The following KCNU1 variants were observed in gnomAD, a reference collection of about 807,000 sequenced individuals.
KCNU1 encodes the protein potassium calcium-activated channel subfamily U member 1, also known as potassium channel subfamily U member 1.
KCNU1 carries 93 observed loss-of-function variants against 126.8 expected under a neutral mutation model. The ratio of observed to expected loss-of-function variants is 0.73; its 90% confidence interval spans 0.62 to 0.87. The LOEUF (loss-of-function observed/expected upper bound fraction) is 0.87. Ranked by LOEUF, KCNU1 falls within the 40% of genes least tolerant of loss-of-function variation. The probability of loss-of-function intolerance (pLI) is 0.00; values close to 1 mark genes in which losing one functional copy is unlikely to be tolerated. For synonymous variants in KCNU1, 523 were observed against 494.2 expected (o/e 1.06, Z -0.77); for missense variants, 1,330 against 1,367.1 (o/e 0.97, Z 0.43).
chr8:36,789,197 A>C (rs892206485), intron 2 of KCNU1, among the ~76,000 whole-genome samples: 1 of 152,040 alleles, frequency 6.6e-6, no homozygotes, highest in African/African-American at 2.4e-5. Flanking sequence ...CTCTACAAAT[A>C]ATTTAAAAGT....
intron 19 of KCNU1, among the ~76,000 whole-genome samples, chr8:36,902,729 C>A (rs1396135901): frequency 6.6e-6 from 1 of 152,060 alleles, no homozygotes; most frequent in Admixed American, 6.6e-5. Flanking sequence ...AAAATCAAGA[C>A]CAGACTCAGG....
intron 22 of KCNU1, among the ~76,000 whole-genome samples, chr8:36,911,825 C>A (rs1807886531): frequency 6.6e-6 from 1 of 152,136 alleles, no homozygotes. Context: ...ACCTGAGGAG[C>A]TTCCACACAT....
At chr8:36,843,246 T>A (rs527765426) in intron 16 of KCNU1, among the ~76,000 whole-genome samples, 8 of 152,192 alleles carry the variant, frequency 5.3e-5, no homozygotes, top group Admixed American at 2.0e-4. Context: ...GAGGCCCTGT[T>A]TACTACCTAA....
chr8:36,837,263 G>A (rs1053668174), intron 14 of KCNU1, among the ~76,000 whole-genome samples: 10 of 151,884 alleles, frequency 6.6e-5, no homozygotes, highest in Admixed American at 2.0e-4. Context: ...TTGAGTTATC[G>A]AAAGTGAAAA....
intron 16 of KCNU1, among the ~76,000 whole-genome samples, chr8:36,844,849 AT>A (rs1395188435): frequency 1.3e-5 from 2 of 152,220 alleles, no homozygotes; most frequent in Non-Finnish European, 2.9e-5. Context: ...AGACATCTGA[AT>A]TGAAGGAAAT....
At chr8:36,839,827 G>A (rs1489126156) in intron 14 of KCNU1, among the ~76,000 whole-genome samples, 3 of 152,268 alleles carry the variant, frequency 2.0e-5, no homozygotes, top group African/African-American at 4.8e-5. Context: ...CTACACAAAC[G>A]TCAGCCACGA....
At chr8:36,911,333 A>C (rs1204420550) in intron 22 of KCNU1, among the ~76,000 whole-genome samples, 1 of 152,190 alleles carries the variant, frequency 6.6e-6, no homozygotes, top group African/African-American at 2.4e-5. Context: ...GCATCTTCTA[A>C]ATGGAATGCA....
At chr8:36,836,737 G>C in intron 13 of KCNU1, 56 bp from the exon 14 acceptor site, 22 of 1,451,978 alleles carry the variant, frequency 1.5e-5, no homozygotes, top group Non-Finnish European at 2.1e-5. Context: ...ATCCTCAAGA[G>C]CTTTCTTGAG....
chr8:36,785,313 G>T (rs192883454), intron 1 of KCNU1, among the ~76,000 whole-genome samples: 2 of 152,166 alleles, frequency 1.3e-5, no homozygotes, highest in Non-Finnish European at 2.9e-5. Flanking sequence ...GAGGTCAAAG[G>T]TGAAGAGTTT....
At chr8:36,794,940 C>CA (rs1187326474) in intron 2 of KCNU1, among the ~76,000 whole-genome samples, 1 of 151,604 alleles carries the variant, frequency 6.6e-6, no homozygotes, top group Non-Finnish European at 1.5e-5. Flanking sequence ...AAAACAAAAA[C>CA]AAAACAAAAC....
intron 18 of KCNU1, among the ~76,000 whole-genome samples, chr8:36,846,295 G>T (rs1585451473): frequency 1.3e-5 from 2 of 152,200 alleles, no homozygotes; most frequent in Admixed American, 1.3e-4. Flanking sequence ...TGGCCACGAG[G>T]ATGCTACCTC....
At chr8:36,841,383 A>G (rs1189084233) in intron 16 of KCNU1, among the ~76,000 whole-genome samples, 1 of 152,108 alleles carries the variant, frequency 6.6e-6, no homozygotes, top group African/African-American at 2.4e-5. Flanking sequence ...GTTCCCACAA[A>G]CACTGGCCAT....
intron 7 of KCNU1, among the ~76,000 whole-genome samples, chr8:36,809,335 C>T (rs1803623191): frequency 1.3e-5 from 2 of 152,090 alleles, no homozygotes. Flanking sequence ...AAAGGAACTC[C>T]TGGACTTTAC....
intron 10 of KCNU1, among the ~76,000 whole-genome samples, chr8:36,830,051 A>G (rs1804473689): frequency 6.7e-6 from 1 of 149,364 alleles, no homozygotes; most frequent in African/African-American, 2.4e-5. Context: ...TGTAGTTATA[A>G]TTATTTACAT....
intron 10 of KCNU1, among the ~76,000 whole-genome samples, chr8:36,823,407 G>A (rs1015995088): frequency 6.6e-6 from 1 of 151,988 alleles, no homozygotes; most frequent in Non-Finnish European, 1.5e-5. Flanking sequence ...TTAACCATCA[G>A]ATTTGCAAAT....
At chr8:36,890,632 T>A (rs1806925713) in intron 19 of KCNU1, among the ~76,000 whole-genome samples, 1 of 152,020 alleles carries the variant, frequency 6.6e-6, no homozygotes. Flanking sequence ...ACAAATGTGG[T>A]AGACATTAAT....
At chr8:36,919,195 A>G (rs1253108925) in intron 23 of KCNU1, among the ~76,000 whole-genome samples, 1 of 152,112 alleles carries the variant, frequency 6.6e-6, no homozygotes, top group Non-Finnish European at 1.5e-5. Flanking sequence ...CGATATGAAG[A>G]CTGCTAGAAA....
At chr8:36,824,385 G>A (rs1804241105) in intron 10 of KCNU1, among the ~76,000 whole-genome samples, 2 of 152,224 alleles carry the variant, frequency 1.3e-5, no homozygotes, top group Admixed American at 6.5e-5. Context: ...ACAGCATATT[G>A]TTATAATTAT....
chr8:36,890,207 A>C (rs1357235995), intron 19 of KCNU1, among the ~76,000 whole-genome samples: 9 of 152,108 alleles, frequency 5.9e-5, no homozygotes. Flanking sequence ...TCAGAAACTG[A>C]GATCTATATA....
Sources: gnomAD v4.1 joint callset for allele counts (sites outside exome capture counted in the v4.1 genomes callset) on GRCh38, gnomAD v4.1.1 for gene constraint, MANE v1.5 for transcripts, NCBI Gene and HGNC (gene_info 2026-07-23, HGNC 2026-07-21) for gene names.